CREBBP: variants seen among roughly 807,000 people sequenced by gnomAD.
CREBBP encodes the protein CREB binding lysine acetyltransferase.
CREBBP carries 19 observed loss-of-function variants against 265.0 expected under a neutral mutation model. That is an observed-to-expected ratio of 0.07 (90% CI 0.05 to 0.11). The LOEUF (loss-of-function observed/expected upper bound fraction) is 0.11. Among genes scored for constraint, CREBBP ranks in the 10% least tolerant of loss-of-function variants. The pLI is 1.00. For synonymous variants in CREBBP, 1,457 were observed against 1,223.7 expected, an observed-to-expected ratio of 1.19 and a Z score of -3.98; for missense variants, 2,525 against 3,219.0, an observed-to-expected ratio of 0.78 and a Z score of 5.22.
chr16:3,729,908 G>C (rs2151312957), intron 30 of CREBBP, 34 bp from the exon 31 acceptor site: 1 of 1,597,370 alleles, frequency 6.3e-7, no homozygotes, highest in Non-Finnish European at 8.5e-7. Context: ...GCCGGTGTCA[G>C]CATGGGACCC....
At chr16:3,863,243 G>C (rs1028441146) in intron 1 of CREBBP, among the ~76,000 whole-genome samples, 2 of 152,132 alleles carry the variant, frequency 1.3e-5, no homozygotes, top group African/African-American at 2.4e-5. Context: ...GCTGTACTCT[G>C]TATCAGGTAT....
intron 19 of CREBBP, among the ~76,000 whole-genome samples, chr16:3,753,134 C>G (rs910818397): frequency 6.6e-6 from 1 of 152,212 alleles, no homozygotes; most frequent in Admixed American, 6.5e-5. Flanking sequence ...AGGACTCGAG[C>G]GCCAGGCTGA....
intron 26 of CREBBP, among the ~76,000 whole-genome samples, chr16:3,737,291 G>A (rs1349123039): frequency 6.6e-6 from 1 of 152,168 alleles, no homozygotes; most frequent in Non-Finnish European, 1.5e-5. Context: ...CAGAAACCAA[G>A]GGCTAGAGAA....
chr16:3,766,233 G>A (rs1043872403), intron 16 of CREBBP, among the ~76,000 whole-genome samples: 6 of 152,112 alleles, frequency 3.9e-5, no homozygotes, highest in East Asian at 1.9e-4. Context: ...GTTCAATGTC[G>A]CAACTAACCT....
intron 2 of CREBBP, among the ~76,000 whole-genome samples, 168 bp downstream of exon 2, chr16:3,850,129 G>A (rs148100913): frequency 6.6e-6 from 1 of 152,292 alleles, no homozygotes; most frequent in East Asian, 1.9e-4. Context: ...CAGAAATGGG[G>A]CAGAGATCTT....
chr16:3,819,885 A>T (rs1006143679), intron 2 of CREBBP, among the ~76,000 whole-genome samples: 22 of 152,224 alleles, frequency 1.4e-4, no homozygotes, highest in Non-Finnish European at 1.5e-5. Context: ...AAATGGATGC[A>T]ACTACCACTC....
At chr16:3,793,915 T>G (rs1448067335) in intron 3 of CREBBP, among the ~76,000 whole-genome samples, 1 of 152,202 alleles carries the variant, frequency 6.6e-6, no homozygotes, top group East Asian at 1.9e-4. Flanking sequence ...CTCTACAATA[T>G]ACACAACTAC....
intron 3 of CREBBP, among the ~76,000 whole-genome samples, chr16:3,797,710 C>G (rs968692128): frequency 2.6e-5 from 4 of 151,768 alleles, no homozygotes; most frequent in Non-Finnish European, 5.9e-5. Context: ...ACGATTGTCT[C>G]CTAAAGGTGG....
chr16:3,844,479 T>C (rs1020740427), intron 2 of CREBBP, among the ~76,000 whole-genome samples: 2 of 152,228 alleles, frequency 1.3e-5, no homozygotes, highest in South Asian at 2.1e-4. Context: ...GATATTATCA[T>C]TTATTTTATG....
chr16:3,780,606 C>A, intron 8 of CREBBP, 126 bp downstream of exon 8: 1 of 971,390 alleles, frequency 1.0e-6, no homozygotes. Context: ...ACTCTACCAG[C>A]AGTGAGAGTG....
In CREBBP at chr16:3,813,373, C is replaced by T. The variant is rs189860402; in HGVS notation, c.799-2594G>A. On this transcript the variant is annotated intron_variant, in intron 2 of 30. Transcript: ENST00000262367. ...ACTTAATCTAGGCAAGATGGTAGCTCGATAAATATTAAGCACATTTCTGAT... is the reference window on the plus strand; with the variant it reads ...ACTTAATCTAGGCAAGATGGTAGCTTGATAAATATTAAGCACATTTCTGAT... Among the ~76,000 whole-genome samples, 4 of 152,262 alleles carry T rather than the reference C, an allele frequency of 2.6e-5. No individual in the cohort carries two copies. In the East Asian group the frequency reaches 7.7e-4, roughly 29 times the overall value.
At chr16:3,764,202 C>A (rs1359892330) in intron 16 of CREBBP, among the ~76,000 whole-genome samples, 1 of 151,728 alleles carries the variant, frequency 6.6e-6, no homozygotes, top group Non-Finnish European at 1.5e-5. Flanking sequence ...GAACTCCTGG[C>A]CTCAAGTATT....
At chr16:3,745,812 C>G (rs1338965826) in intron 21 of CREBBP, among the ~76,000 whole-genome samples, 1 of 152,200 alleles carries the variant, frequency 6.6e-6, no homozygotes, top group Non-Finnish European at 1.5e-5. Context: ...TAATGGGAAA[C>G]ACGGCCAGTT....
intron 13 of CREBBP, 115 bp from the exon 14 acceptor site, chr16:3,771,101 T>C: frequency 9.0e-7 from 1 of 1,117,092 alleles, no homozygotes; most frequent in Non-Finnish European, 1.3e-6. Flanking sequence ...ACAGTTTCAC[T>C]CTTGTCGCCC....
At chr16:3,818,311 T>C (rs1596998793) in intron 2 of CREBBP, among the ~76,000 whole-genome samples, 1 of 142,790 alleles carries the variant, frequency 7.0e-6, no homozygotes. Flanking sequence ...TTCTTTTTTT[T>C]TTTTTTTTTT....
intron 25 of CREBBP, 116 bp from the exon 26 acceptor site, chr16:3,738,788 C>CAG: frequency 1.3e-6 from 1 of 747,308 alleles, no homozygotes; most frequent in Non-Finnish European, 2.4e-6. Context: ...CTCTGTCATT[C>CAG]AGGCTGCAAT....
At chr16:3,849,439 G>GTGCGTGACCT (rs2054760815) in intron 2 of CREBBP, among the ~76,000 whole-genome samples, 1 of 17,218 alleles carries the variant, frequency 5.8e-5, no homozygotes, top group African/African-American at 1.1e-4. Context: ...GTGTGTGTGT[G>GTGCGTGACCT]TGTGTGTGTG....
At chr16:3,835,144 G>C (rs560656871) in intron 2 of CREBBP, among the ~76,000 whole-genome samples, 4 of 152,062 alleles carry the variant, frequency 2.6e-5, no homozygotes, top group Non-Finnish European at 5.9e-5. Context: ...GGGCAAAAGA[G>C]CGAGACTCCT....
intron 2 of CREBBP, among the ~76,000 whole-genome samples, chr16:3,848,300 GTCTAACT>G (rs2054711846): frequency 6.6e-6 from 1 of 152,176 alleles, no homozygotes; most frequent in Non-Finnish European, 1.5e-5. Context: ...GGTGTACAAA[GTCTAACT>G]TCTACATACA....
Sources: allele counts gnomAD v4.1 joint callset (sites outside exome capture counted in the v4.1 genomes callset), GRCh38; gene constraint gnomAD v4.1.1; transcripts MANE v1.5; gene names NCBI Gene and HGNC (gene_info 2026-07-23, HGNC 2026-07-21).